The following RAB3IP variants were observed in gnomAD, a reference collection of about 807,000 sequenced individuals.
RAB3IP encodes the protein rab-3A-interacting protein.
RAB3IP carries 36 observed loss-of-function variants against 59.1 expected under a neutral mutation model. The ratio of observed to expected loss-of-function variants is 0.61; its 90% confidence interval spans 0.47 to 0.80. The LOEUF (loss-of-function observed/expected upper bound fraction) is 0.80, where lower values mean the gene tolerates loss of function less well. RAB3IP is among the 30% of genes least tolerant of loss of function. The probability of loss-of-function intolerance (pLI) is 0.00; values close to 1 mark genes in which losing one functional copy is unlikely to be tolerated. For synonymous variants in RAB3IP, 207 were observed against 191.2 expected, an observed-to-expected ratio of 1.08 and a Z score of -0.68; for missense variants, 511 against 536.0, an observed-to-expected ratio of 0.95 and a Z score of 0.46.
upstream of RAB3IP, chr12:69,738,742 C>T (rs1273985170): frequency 4.0e-5 from 6 of 151,678 alleles, no homozygotes; most frequent in African/African-American, 9.6e-5. Context: ...GGAAGCGCGT[C>T]CGCCCCCAGG....
At chr12:69,752,566 A>G (rs1351251665) in intron 1 of RAB3IP, among the ~76,000 whole-genome samples, 1 of 152,124 alleles carries the variant, frequency 6.6e-6, no homozygotes, top group Non-Finnish European at 1.5e-5. Flanking sequence ...ATAAAGCCCC[A>G]GGAGTGGCAT....
intron 3 of RAB3IP, among the ~76,000 whole-genome samples, chr12:69,765,665 C>A (rs898408272): frequency 6.6e-6 from 1 of 152,180 alleles, no homozygotes; most frequent in Non-Finnish European, 1.5e-5. Flanking sequence ...AGCCTCTGCA[C>A]AGGAGGAGTG....
chr12:69,804,489 C>T (rs1476119701), intron 8 of RAB3IP, among the ~76,000 whole-genome samples: 1 of 152,140 alleles, frequency 6.6e-6, no homozygotes, highest in Non-Finnish European at 1.5e-5. Flanking sequence ...TGCAGAAGCT[C>T]TTTAGTTTAA....
chr12:69,768,691 A>C (rs1186216620), intron 3 of RAB3IP, among the ~76,000 whole-genome samples: 1 of 152,150 alleles, frequency 6.6e-6, no homozygotes, highest in Non-Finnish European at 1.5e-5. Flanking sequence ...GCCCAGGAGA[A>C]ACTGCTGTGG....
intron 3 of RAB3IP, among the ~76,000 whole-genome samples, chr12:69,757,263 C>T (rs368266739): frequency 1.6e-4 from 24 of 151,918 alleles, no homozygotes; most frequent in East Asian, 7.7e-4. Context: ...CTCAAATGGA[C>T]AATCTAAGCT....
At chr12:69,779,641 TATTG>T (rs947343221) in intron 3 of RAB3IP, among the ~76,000 whole-genome samples, 1 of 151,916 alleles carries the variant, frequency 6.6e-6, no homozygotes, top group Non-Finnish European at 1.5e-5. Context: ...GTTGAAGCTC[TATTG>T]CATTTTTCAC....
chr12:69,755,310 A>T (rs954083289), intron 1 of RAB3IP, 74 bp from the exon 2 acceptor site: 2 of 1,282,210 alleles, frequency 1.6e-6, no homozygotes, highest in Admixed American at 2.3e-5. Context: ...AACACATTTT[A>T]TAATTTATGC....
rs1881538790 is a variant in RAB3IP at position 69,820,089 on chromosome 12, T to C, written c.*4643T>C. 1 of 152,250 alleles carries C rather than the reference T, an allele frequency of 6.6e-6. No homozygotes were observed. The allele number at this position is 152,250 out of a possible 1,614,324, so 9.4% of individuals were successfully genotyped here. A position where few individuals can be genotyped will look rare whatever the true frequency, so the allele number is the denominator to read the frequency against. On this transcript the variant is annotated 3_prime_UTR_variant, in exon 11 of 11. Coordinates refer to ENST00000247833, the MANE Select transcript of RAB3IP (RefSeq NM_022456.5). ...GGGTCTGCTTTTATTCATAGGCTTT[T>C]GTTTTCAGTGGTTTTTGTTGTTGCA... is the stretch of plus-strand genomic sequence containing the variant.
At chr12:69,773,143 T>C (rs1873432027) in intron 3 of RAB3IP, among the ~76,000 whole-genome samples, 1 of 152,156 alleles carries the variant, frequency 6.6e-6, no homozygotes, top group Admixed American at 6.5e-5. Context: ...GCAAGGTTCT[T>C]GCTGAGAAGT....
intron 8 of RAB3IP, among the ~76,000 whole-genome samples, chr12:69,807,922 C>T (rs539593828): frequency 5.1e-4 from 78 of 151,710 alleles, no homozygotes; most frequent in Middle Eastern, 3.4e-3. Flanking sequence ...CGGGCGGAGG[C>T]GCTCCTCACC....
At chr12:69,785,526 G>T (rs1875502786) in intron 4 of RAB3IP, among the ~76,000 whole-genome samples, 2 of 152,134 alleles carry the variant, frequency 1.3e-5, no homozygotes, top group Non-Finnish European at 2.9e-5. Context: ...TGCACTTCCA[G>T]TCCAACTTTG....
intron 8 of RAB3IP, among the ~76,000 whole-genome samples, chr12:69,805,409 G>T (rs1361066085): frequency 2.6e-5 from 4 of 152,084 alleles, no homozygotes; most frequent in Non-Finnish European, 5.9e-5. Context: ...GAGACGATGG[G>T]GTTTTCTATG....
At chr12:69,786,931 A>G (rs1875767573) in intron 4 of RAB3IP, among the ~76,000 whole-genome samples, 1 of 152,226 alleles carries the variant, frequency 6.6e-6, no homozygotes, top group African/African-American at 2.4e-5. Context: ...ATTAAAGATG[A>G]TTTTGGTAAT....
chr12:69,771,594 TAGTGCTGCGGTAAACTTGGG>T (rs1411312293), intron 3 of RAB3IP, among the ~76,000 whole-genome samples: 1 of 152,090 alleles, frequency 6.6e-6, no homozygotes, highest in African/African-American at 2.4e-5. Flanking sequence ...CTTTTGAGAA[TAGTGCTGCGGTAAACTTGGG>T]AGTGCAGCTG....
intron 5 of RAB3IP, 149 bp downstream of exon 5, chr12:69,794,663 A>C (rs377626290): frequency 4.5e-5 from 27 of 595,262 alleles, no homozygotes; most frequent in Non-Finnish European, 6.7e-5. Flanking sequence ...AATAGCTACT[A>C]TGTAGGTATA....
chr12:69,802,605 G>A (rs558555316), intron 8 of RAB3IP, among the ~76,000 whole-genome samples: 27 of 152,308 alleles, frequency 1.8e-4, no homozygotes, highest in African/African-American at 5.8e-4. Context: ...AGTGCTTAGA[G>A]CCAGATCAAT....
intron 4 of RAB3IP, among the ~76,000 whole-genome samples, chr12:69,793,077 T>C (rs1876891086): frequency 1.3e-5 from 2 of 152,226 alleles, no homozygotes; most frequent in Non-Finnish European, 2.9e-5. Context: ...TGACAGCCAC[T>C]TGTCCCAGAA....
intron 3 of RAB3IP, among the ~76,000 whole-genome samples, chr12:69,766,539 T>A (rs1248492507): frequency 6.6e-6 from 1 of 151,552 alleles, no homozygotes; most frequent in South Asian, 2.1e-4. Flanking sequence ...TTTTTTTTTT[T>A]AAGACAGTTT....
chr12:69,790,943 G>C (rs533979419), intron 4 of RAB3IP, among the ~76,000 whole-genome samples: 1 of 152,098 alleles, frequency 6.6e-6, no homozygotes, highest in African/African-American at 2.4e-5. Context: ...TGATTTCAAA[G>C]TACATGACAA....
Sources: allele counts gnomAD v4.1 joint callset (sites outside exome capture counted in the v4.1 genomes callset), GRCh38; gene constraint gnomAD v4.1.1; transcripts MANE v1.5; gene names NCBI Gene and HGNC (gene_info 2026-07-23, HGNC 2026-07-21).